The following FXYD6 variants were observed in gnomAD, a reference collection of about 807,000 sequenced individuals.
The protein encoded by FXYD6 is FXYD domain containing ion transport regulator 6.
Under a neutral mutation model 16.7 loss-of-function variants are expected in FXYD6, and 7 were observed. That is an observed-to-expected ratio of 0.42 (90% CI 0.24 to 0.79). The LOEUF (loss-of-function observed/expected upper bound fraction) is 0.79. FXYD6 is among the 30% of genes least tolerant of loss of function. FXYD6 has a pLI of 0.28. For missense variants in FXYD6, 111 were observed against 116.2 expected (o/e 0.95, Z 0.21); for synonymous variants, 49 against 43.0 (o/e 1.14, Z -0.54).
At chr11:117,848,890 G>A (rs561394) in intron 1 of FXYD6, among the ~76,000 whole-genome samples, 97,268 of 151,954 alleles carry the variant, frequency 0.64, 33,196 homozygotes, top group East Asian at 0.92. Flanking sequence ...GAGGTTTAAC[G>A]ATGCTTATAG....
intron 1 of FXYD6, among the ~76,000 whole-genome samples, chr11:117,863,573 C>T (rs2056952988): frequency 6.6e-6 from 1 of 151,830 alleles, no homozygotes; most frequent in African/African-American, 2.4e-5. Flanking sequence ...TATCCACTTT[C>T]ACCATTTCTG....
intron 1 of FXYD6, among the ~76,000 whole-genome samples, chr11:117,859,967 G>C (rs2056867783): frequency 6.6e-6 from 1 of 152,116 alleles, no homozygotes; most frequent in South Asian, 2.1e-4. Context: ...CTCATCACCT[G>C]CTTGCTCCCC....
In FXYD6 at chr11:117,838,190, G is replaced by C. The variant is rs1159385429; in HGVS notation, c.*109C>G. ...ACACACAAGTTCTTGGCTTCTCCTGGGGAAAGGGCTGTTGCTGAAGTGGCC... is the reference window on the plus strand; with the variant it reads ...ACACACAAGTTCTTGGCTTCTCCTGCGGAAAGGGCTGTTGCTGAAGTGGCC... On this transcript the variant is annotated 3_prime_UTR_variant, in exon 8 of 8. Coordinates refer to ENST00000526014, the MANE Select transcript of FXYD6 (RefSeq NM_022003.4). The C allele has an allele frequency of 4.3e-6, 3 of 702,320 alleles. No individual in the cohort carries two copies. The East Asian group carries it at 8.0e-5, about 19-fold the overall frequency. The allele number at this position is 702,320 out of a possible 1,614,324, so 43.5% of individuals were successfully genotyped here.
At position 117,837,528 on chromosome 11, in the gene FXYD6, C is replaced by T. The variant is rs1445067134; in HGVS notation, c.*771G>A. 6.5e-6 allele frequency: 1 copy of T among 152,696 alleles called. No homozygotes were observed. The highest frequency in any genetic ancestry group is 2.4e-5 in the African/African-American group (1 of 41,416). The allele number at this position is 152,696 out of a possible 1,614,324, so 9.5% of individuals were successfully genotyped here. ...ACATTCCCCAGGGGCAGAGTAGAAG[C>T]CCTGGGCCTGGAATCCCCGGGCGCT... On this transcript the variant is annotated 3_prime_UTR_variant, in exon 8 of 8. Coordinates refer to ENST00000526014, the MANE Select transcript of FXYD6 (RefSeq NM_022003.4). This position sits in a 1 kb window ranked among gnomAD's most constrained non-coding sequence, Gnocchi z 4.4.
chr11:117,874,760 G>A (rs1469703141), intron 1 of FXYD6, among the ~76,000 whole-genome samples: 1 of 152,234 alleles, frequency 6.6e-6, no homozygotes, highest in Non-Finnish European at 1.5e-5. Flanking sequence ...TGAAATTCTG[G>A]TCAGTGCCCA....
chr11:117,868,426 T>A (rs1318666881), intron 1 of FXYD6, among the ~76,000 whole-genome samples: 1 of 152,160 alleles, frequency 6.6e-6, no homozygotes, highest in Admixed American at 6.5e-5. Context: ...CACTCCAGTC[T>A]AATCATGAGG....
chr11:117,855,725 G>C (rs1288754648), intron 1 of FXYD6, among the ~76,000 whole-genome samples: 5 of 152,216 alleles, frequency 3.3e-5, no homozygotes, highest in Non-Finnish European at 7.3e-5. Context: ...AGTGAGCGGA[G>C]AGGGCACAGG....
rs1248917060 is a variant in FXYD6 at position 117,841,971 on chromosome 11, C to T, written c.97+19G>A. ...CTGCATTCCCCCTGACCCCTGCACCCAGGGTTGCCATCGCTCACCATAATG... is the reference window on the plus strand; with the variant it reads ...CTGCATTCCCCCTGACCCCTGCACCTAGGGTTGCCATCGCTCACCATAATG... On this transcript the variant is annotated intron_variant, in intron 3 of 7. Coordinates refer to ENST00000526014, the MANE Select transcript of FXYD6 (RefSeq NM_022003.4). The T allele has an allele frequency of 9.9e-6, 16 of 1,614,072 alleles. No individual in the cohort carries two copies. The African/African-American group carries it at 2.1e-4, about 22-fold the overall frequency.
intron 1 of FXYD6, among the ~76,000 whole-genome samples, chr11:117,873,642 G>T (rs1405811666): frequency 6.6e-6 from 1 of 152,186 alleles, no homozygotes; most frequent in Non-Finnish European, 1.5e-5. Flanking sequence ...TTTGTTCGAA[G>T]GTGAATATTG....
intron 4 of FXYD6, 33 bp from the exon 5 acceptor site, chr11:117,841,217 T>C (rs2056335511): frequency 1.2e-6 from 2 of 1,613,952 alleles, no homozygotes; most frequent in Admixed American, 1.7e-5. Context: ...AAGGTCATGC[T>C]GCTGGCTTGG....
At chr11:117,866,110 G>A (rs1833421043) in intron 1 of FXYD6, among the ~76,000 whole-genome samples, 1 of 148,484 alleles carries the variant, frequency 6.7e-6, no homozygotes, top group African/African-American at 2.5e-5. Flanking sequence ...AGACAAAAAG[G>A]AGAATGGTGG....
Position 117,838,018 on chromosome 11 carries a change from C to T in FXYD6, c.*281G>A, listed in dbSNP as rs998307422. 8 of 607,096 alleles carry T rather than the reference C, an allele frequency of 1.3e-5. No individual in the cohort carries two copies. Among genetic ancestry groups the T allele is most frequent in the Non-Finnish European group, 2.4e-5 (8 of 338,578 alleles). 37.6% of individuals were successfully genotyped at this position (607,096 alleles called of 1,614,324 possible). ...ATCCACAAACAAGTAGCCACAAAGA[C>T]CACAGTTAGCAAACACACACAGTCA... On this transcript the variant is annotated 3_prime_UTR_variant, in exon 8 of 8. Coordinates refer to ENST00000526014, the MANE Select transcript of FXYD6 (RefSeq NM_022003.4).
At chr11:117,868,826 A>G (rs2057067560) in intron 1 of FXYD6, 1 of 152,216 alleles carries the variant, frequency 6.6e-6, no homozygotes, top group Non-Finnish European at 1.5e-5. Flanking sequence ...TATTCGTAGA[A>G]AAATAATAAA....
chr11:117,842,817 T>C, intron 1 of FXYD6, 36 bp from the exon 2 acceptor site: 1 of 1,550,098 alleles, frequency 6.5e-7, no homozygotes, highest in Non-Finnish European at 8.7e-7. Flanking sequence ...ATTCTCTGGC[T>C]AAGAAGCCTC....
intron 5 of FXYD6, among the ~76,000 whole-genome samples, chr11:117,840,831 G>A (rs941948541): frequency 1.3e-5 from 2 of 152,044 alleles, no homozygotes; most frequent in African/African-American, 4.8e-5. Context: ...GAGAGGCCAG[G>A]AAGCCCTCTG....
intron 1 of FXYD6, among the ~76,000 whole-genome samples, chr11:117,861,623 A>C (rs1467551586): frequency 6.6e-6 from 1 of 152,208 alleles, no homozygotes; most frequent in Non-Finnish European, 1.5e-5. Flanking sequence ...TCATTACTGT[A>C]TCACTGCCCA....
chr11:117,850,798 ATT>A (rs796279043), intron 1 of FXYD6, among the ~76,000 whole-genome samples: 1 of 144,962 alleles, frequency 6.9e-6, no homozygotes, highest in African/African-American at 2.5e-5. Flanking sequence ...TAGCTTAGTG[ATT>A]TTTTTTTTTC....
At chr11:117,849,019 A>G (rs1370619865) in intron 1 of FXYD6, among the ~76,000 whole-genome samples, 1 of 151,946 alleles carries the variant, frequency 6.6e-6, no homozygotes, top group Non-Finnish European at 1.5e-5. Context: ...TTTTATGTTT[A>G]TCTTGTTATG....
At chr11:117,876,180 T>C (rs368936629) in intron 1 of FXYD6, among the ~76,000 whole-genome samples, 11 of 151,762 alleles carry the variant, frequency 7.2e-5, no homozygotes, top group African/African-American at 2.7e-4. Context: ...CCACACGCCC[T>C]CGTCCGTAAT....
Sources: allele counts gnomAD v4.1 joint callset (sites outside exome capture counted in the v4.1 genomes callset), GRCh38; gene constraint gnomAD v4.1.1; non-coding constraint Gnocchi (gnomAD v3.1); transcripts MANE v1.5; gene names NCBI Gene and HGNC (gene_info 2026-07-23, HGNC 2026-07-21).